MBP: variants seen among roughly 807,000 people sequenced by gnomAD.
The protein encoded by MBP is Golli-MBP.
A neutral mutation model predicts 35.8 loss-of-function variants in MBP; 16 were observed. That is an observed-to-expected ratio of 0.45 (90% confidence interval 0.30 to 0.68). The LOEUF (loss-of-function observed/expected upper bound fraction) is 0.68. Among genes scored for constraint, MBP ranks in the 30% least tolerant of loss-of-function variants. The pLI, the probability that MBP is intolerant of heterozygous loss-of-function variation, is 0.08. For missense variants in MBP, 380 were observed against 404.7 expected, an observed-to-expected ratio of 0.94 and a Z score of 0.52; for synonymous variants, 143 against 159.6, an observed-to-expected ratio of 0.90 and a Z score of 0.78.
In MBP at chr18:77,083,024, G is replaced by C. The variant is rs752649144; in HGVS notation, c.52-16639C>G. On this transcript the variant is annotated intron_variant, in intron 2 of 8. Transcript: ENST00000355994. ...CAGTCTTGTTCCGTCACCCAGGCTA[G>C]AGTGAAGTGGCACAATCTTAGCTCA... is the stretch of plus-strand genomic sequence containing the variant. Among the ~76,000 whole-genome samples the C allele has an allele frequency of 5.9e-4, 89 of 151,736 alleles. 1 individual carries two copies. The highest frequency in any genetic ancestry group is 1.1e-3 in the Non-Finnish European group (75 of 67,916).
chr18:77,126,652 A>G (rs934761373), intron 1 of MBP, among the ~76,000 whole-genome samples: 2 of 152,210 alleles, frequency 1.3e-5, no homozygotes, highest in African/African-American at 4.8e-5. Flanking sequence ...ATCTACCAAA[A>G]AAAATCCTCC....
intron 8 of MBP, chr18:76,984,484 G>T: frequency 2.6e-6 from 1 of 378,906 alleles, no homozygotes; most frequent in South Asian, 2.8e-5. Context: ...TTGGACTCCA[G>T]CTGGGCCCTG....
In MBP at chr18:76,988,304, C is replaced by T. The variant is rs750528877; in HGVS notation, c.750+191G>A. ...CACAGAAGCAAGAGACCAGACCTTC[C>T]GGAAGGGAAGACCACGTTTCATTTC... is the stretch of plus-strand genomic sequence containing the variant. On this transcript the variant is annotated intron_variant, in intron 7 of 8. Transcript: ENST00000355994. This position sits in a 1 kb window ranked among gnomAD's most constrained non-coding sequence, Gnocchi z 5.2. The T allele has an allele frequency of 2.6e-5, 40 of 1,559,466 alleles. No individual in the cohort carries two copies. Among genetic ancestry groups the T allele is most frequent in the Admixed American group, 5.8e-5 (3 of 51,550 alleles).
At chr18:77,133,005 G>C (rs1327437762), upstream of MBP, among the ~76,000 whole-genome samples, 1 of 152,036 alleles carries the variant, frequency 6.6e-6, no homozygotes, top group Non-Finnish European at 1.5e-5. Flanking sequence ...ACCTCGGAGG[G>C]GCGGCCTGGA....
chr18:77,016,253 C>T lies in MBP; in HGVS notation c.576+579G>A, dbSNP rs1026372416. ...TTAATGGAATCACAAGATAATAAAG[C>T]TTTGATTCATAGACACTCATTTATC... On this transcript the variant is annotated intron_variant, in intron 4 of 8. Transcript: ENST00000355994. 8 of 984,898 alleles carry T rather than the reference C, an allele frequency of 8.1e-6. No homozygotes were observed. In the African/African-American group the frequency reaches 1.2e-4, roughly 15 times the overall value. The allele number at this position is 984,898 out of a possible 1,614,324, so 61.0% of individuals were successfully genotyped here.
intron 3 of MBP, among the ~76,000 whole-genome samples, chr18:77,032,077 A>C (rs1972562097): frequency 6.6e-6 from 1 of 152,208 alleles, no homozygotes; most frequent in Non-Finnish European, 1.5e-5. Flanking sequence ...CCCTTGTCCC[A>C]CTGGAGAAGG....
In MBP at chr18:77,010,856, T is replaced by C. The variant is rs138434874; in HGVS notation, c.576+5976A>G. On this transcript the variant is annotated intron_variant, in intron 4 of 8. Transcript: ENST00000355994. ...CAAGGTAAGTGCCCTGCAAGAAATG[T>C]CTATTTCTTGACTATCAGCTACAGC... Among the ~76,000 whole-genome samples the C allele has an allele frequency of 1.6e-4, 25 of 152,348 alleles. No individual in the cohort carries two copies. In the East Asian group the frequency reaches 4.4e-3, roughly 27 times the overall value.
At chr18:77,109,352 A>G (rs1976377105) in intron 1 of MBP, 1 of 152,230 alleles carries the variant, frequency 6.6e-6, no homozygotes, top group Non-Finnish European at 1.5e-5. Flanking sequence ...ACTGAAGCAC[A>G]GGGGAAATGC....
chr18:76,985,096 G>A, intron 7 of MBP: 1 of 1,520,794 alleles, frequency 6.6e-7, no homozygotes, highest in Non-Finnish European at 8.8e-7. Flanking sequence ...CAGGGTGTTG[G>A]CCGCAGAGAG....
At chr18:77,036,359 G>A (rs1181375146) in intron 3 of MBP, among the ~76,000 whole-genome samples, 1 of 140,808 alleles carries the variant, frequency 7.1e-6, no homozygotes, top group Non-Finnish European at 1.5e-5. Flanking sequence ...GCAAGTGCTG[G>A]TCACATTTTG....
chr18:77,059,056 C>T (rs1162672319), intron 3 of MBP, among the ~76,000 whole-genome samples: 3 of 152,032 alleles, frequency 2.0e-5, no homozygotes, highest in Admixed American at 1.3e-4. Context: ...TTCGCCAGCA[C>T]GAGTTCGGGG....
chr18:77,018,747 CTCAT>C (rs1420171688), intron 3 of MBP, among the ~76,000 whole-genome samples: 31 of 118,344 alleles, frequency 2.6e-4, no homozygotes, highest in African/African-American at 9.6e-4. Context: ...CATCTATCCA[CTCAT>C]CCATCCATCC....
chr18:77,074,293 C>CCAAGGGGGTTCAGTGAGCCCCGGTCT (rs1411504332), intron 2 of MBP, among the ~76,000 whole-genome samples: 4 of 149,594 alleles, frequency 2.7e-5, no homozygotes, highest in African/African-American at 7.5e-5. Context: ...CCGGGTCTCC[C>CCAAGGGGGTTCAGTGAGCCCCGGTCT]CAAGGGGGTT....
intron 2 of MBP, chr18:77,068,937 T>G (rs957098429): frequency 1.3e-5 from 6 of 459,922 alleles, no homozygotes; most frequent in Admixed American, 4.7e-5. Flanking sequence ...ACCACGGAGC[T>G]GAGCCTTGGG....
intron 2 of MBP, among the ~76,000 whole-genome samples, chr18:77,071,009 T>C (rs1164584188): frequency 2.6e-5 from 4 of 152,094 alleles, no homozygotes; most frequent in Non-Finnish European, 5.9e-5. Flanking sequence ...CACACGCACA[T>C]TGTAGGTGAA....
chr18:76,993,116 G>A (rs1286943946), intron 4 of MBP, among the ~76,000 whole-genome samples: 3 of 152,236 alleles, frequency 2.0e-5, no homozygotes, highest in Non-Finnish European at 1.5e-5. Flanking sequence ...ACCATGAGCT[G>A]CTTGTCCTTC....
intron 3 of MBP, among the ~76,000 whole-genome samples, chr18:77,018,748 TCATCCATCCATCCATCCATC>T (rs141460752): frequency 2.1e-5 from 2 of 95,596 alleles, no homozygotes; most frequent in Non-Finnish European, 4.4e-5. Context: ...ATCTATCCAC[TCATCCATCCATCCATCCATC>T]CATCCATCCA....
chr18:76,988,222 G>A lies in MBP; in HGVS notation c.750+273C>T. Reference sequence around the variant, plus strand: ...CCTCCCTGGGAGGGAGACCAGTCACGTCGCCTGGGAACCCTCTGGGAGAAG... The same window carrying A: ...CCTCCCTGGGAGGGAGACCAGTCACATCGCCTGGGAACCCTCTGGGAGAAG... On this transcript the variant is annotated intron_variant, in intron 7 of 8. Transcript: ENST00000355994. This position sits in a 1 kb window ranked among gnomAD's most constrained non-coding sequence, Gnocchi z 5.2. The A allele has an allele frequency of 5.8e-6, 9 of 1,549,096 alleles. No homozygotes were observed. The highest frequency in any genetic ancestry group is 2.4e-5 in the South Asian group (2 of 83,792).
chr18:77,003,650 G>T (rs976270493), intron 4 of MBP: 4 of 152,180 alleles, frequency 2.6e-5, no homozygotes, highest in Admixed American at 6.5e-5. Flanking sequence ...TTGTGAAAGT[G>T]ATAATATGCT....
Sources: allele counts gnomAD v4.1 joint callset (sites outside exome capture counted in the v4.1 genomes callset), GRCh38; gene constraint gnomAD v4.1.1; non-coding constraint Gnocchi (gnomAD v3.1); transcripts MANE v1.5; gene names NCBI Gene and HGNC (gene_info 2026-07-23, HGNC 2026-07-21).